The following PKHD1 variants were observed in gnomAD, a reference collection of about 807,000 sequenced individuals.
PKHD1 encodes fibrocystin.
PKHD1 carries 291 observed loss-of-function variants against 412.0 expected under a neutral mutation model. That is an observed-to-expected ratio of 0.71 (90% CI 0.64 to 0.78). The LOEUF (loss-of-function observed/expected upper bound fraction) is 0.78. Among genes scored for constraint, PKHD1 ranks in the 30% least tolerant of loss-of-function variants. The pLI is 0.00. For missense variants in PKHD1, 4,825 were observed against 4,950.7 expected, an observed-to-expected ratio of 0.97 and a Z score of 0.76; for synonymous variants, 1,777 against 1,821.5, an observed-to-expected ratio of 0.98 and a Z score of 0.62.
intron 41 of PKHD1, among the ~76,000 whole-genome samples, chr6:51,904,749 C>T (rs914225690): frequency 3.9e-5 from 6 of 152,196 alleles, no homozygotes; most frequent in Non-Finnish European, 8.8e-5. Flanking sequence ...ATTCTGCCTA[C>T]AGGTTTTCTT....
intron 29 of PKHD1, among the ~76,000 whole-genome samples, chr6:52,029,808 AGCCAAGCCAGAGGGATGTCT>A (rs1802768512): frequency 6.6e-6 from 1 of 152,238 alleles, no homozygotes; most frequent in Non-Finnish European, 1.5e-5. Context: ...AGACCAAGAA[AGCCAAGCCAGAGGGATGTCT>A]GCTTAACTCA....
intron 60 of PKHD1, among the ~76,000 whole-genome samples, chr6:51,706,558 G>A (rs1184749505): frequency 6.6e-6 from 1 of 151,634 alleles, no homozygotes; most frequent in Non-Finnish European, 1.5e-5. Flanking sequence ...GAAGGAGGAG[G>A]AACAAGTGGA....
chr6:51,856,020 T>C lies in PKHD1; in HGVS notation c.7784A>G (p.Asn2595Ser). The C allele has an allele frequency of 6.2e-7, 1 of 1,608,916 alleles. No individual in the cohort carries two copies. The part of the protein sequence containing the change: ...SYDLTMTDSR[N>S]KTTTVNYVRD... Reference sequence around the variant, plus strand: ...TACATAATTGACAGTGGTTGTTTTATTTCTGCTGTCAGTCATGGTTAAATC... The same window carrying C: ...TACATAATTGACAGTGGTTGTTTTACTTCTGCTGTCAGTCATGGTTAAATC... Residue 2595 changes from asparagine to serine, a missense_variant, in exon 49 of 67, where the codon AAT (asparagine) becomes AGT (serine). By Grantham distance (46) the Asn-to-Ser change is conservative. Coordinates refer to ENST00000371117, the MANE Select transcript of PKHD1 (RefSeq NM_138694.4).
intron 52 of PKHD1, among the ~76,000 whole-genome samples, chr6:51,815,983 T>C (rs1239204271): frequency 6.6e-6 from 1 of 152,148 alleles, no homozygotes; most frequent in African/African-American, 2.4e-5. Context: ...CTAATATGTC[T>C]TTAAAAAAGG....
intron 35 of PKHD1, among the ~76,000 whole-genome samples, chr6:51,981,018 GA>G (rs948108261): frequency 1.3e-5 from 2 of 151,960 alleles, no homozygotes; most frequent in African/African-American, 4.8e-5. Flanking sequence ...ACTGTTGGAG[GA>G]AAAAATAAAA....
rs373438297 is a variant in PKHD1 at position 51,632,730 on chromosome 6, C to T, written c.11507-7G>A. On this transcript the variant is annotated splice_region_variant and splice_polypyrimidine_tract_variant and intron_variant, in intron 64 of 66. Coordinates refer to ENST00000371117, the MANE Select transcript of PKHD1 (RefSeq NM_138694.4). ...CGAGCTGTAAAATTGACTCCTGTGGCGGGGAAAAGAAGATGTTTCAATGAT... is the reference window on the plus strand; with the variant it reads ...CGAGCTGTAAAATTGACTCCTGTGGTGGGGAAAAGAAGATGTTTCAATGAT... The T allele has an allele frequency of 9.6e-5, 155 of 1,610,078 alleles. 3 individuals carry two copies. In the South Asian group the frequency reaches 1.4e-3, roughly 15 times the overall value.
chr6:51,912,923 A>G (rs1015868686), intron 37 of PKHD1, among the ~76,000 whole-genome samples: 1 of 152,140 alleles, frequency 6.6e-6, no homozygotes, highest in African/African-American at 2.4e-5. Flanking sequence ...AAACTTGATG[A>G]ATGGGCTTCA....
intron 56 of PKHD1, among the ~76,000 whole-genome samples, chr6:51,754,164 A>G (rs1786571784): frequency 6.6e-6 from 1 of 152,076 alleles, no homozygotes; most frequent in South Asian, 2.1e-4. Flanking sequence ...TATTTATTAG[A>G]CTGAATCAGG....
chr6:51,669,500 C>A (rs1224586737), intron 60 of PKHD1, among the ~76,000 whole-genome samples: 1 of 148,946 alleles, frequency 6.7e-6, no homozygotes, highest in South Asian at 2.2e-4. Context: ...AAAACCAGCT[C>A]CTGGATTCAT....
chr6:51,889,274 G>T (rs987430994), intron 43 of PKHD1, among the ~76,000 whole-genome samples: 1 of 152,090 alleles, frequency 6.6e-6, no homozygotes, highest in African/African-American at 2.4e-5. Flanking sequence ...AGAATGGGGA[G>T]TCATAAGGAC....
chr6:51,637,800 A>G lies in PKHD1; in HGVS notation c.11506+1049T>C, dbSNP rs1175442969. Among the ~76,000 whole-genome samples the G allele has an allele frequency of 3.3e-5, 5 of 152,210 alleles. No homozygotes were observed. In the East Asian group the frequency reaches 9.7e-4, roughly 29 times the overall value. On this transcript the variant is annotated intron_variant, in intron 64 of 66. Coordinates refer to ENST00000371117, the MANE Select transcript of PKHD1 (RefSeq NM_138694.4). ...ATGCCTGTAATCCCAGTGACTCAGG[A>G]GGCTGAGGCAGAAGAATTGCTTGAA...
intron 66 of PKHD1, among the ~76,000 whole-genome samples, chr6:51,625,885 A>G (rs1466200006): frequency 6.6e-6 from 1 of 152,168 alleles, no homozygotes; most frequent in Non-Finnish European, 1.5e-5. Flanking sequence ...TCTTAGATGG[A>G]ATCTTGAATA....
In PKHD1 at chr6:52,043,233, GC is replaced by G; in HGVS notation, c.2822-100del. The G allele has an allele frequency of 4.2e-6, 4 of 953,980 alleles. No individual in the cohort carries two copies. The South Asian group carries it at 5.0e-5, about 12-fold the overall frequency. 59.1% of individuals were successfully genotyped at this position (953,980 alleles called of 1,614,324 possible). On this transcript the variant is annotated intron_variant, in intron 26 of 66. Transcript: ENST00000371117. ...CACTATCATCAAATGTTCCTTCTCTGCCCCCATCCCCTCCCAAAATTCAAGG... is the reference window on the plus strand; with the variant it reads ...CACTATCATCAAATGTTCCTTCTCTGCCCCATCCCCTCCCAAAATTCAAGG...
chr6:51,871,105 G>C (rs1775923265), intron 46 of PKHD1, among the ~76,000 whole-genome samples: 1 of 152,104 alleles, frequency 6.6e-6, no homozygotes, highest in Admixed American at 6.6e-5. Context: ...CAGCCACTGT[G>C]GAAAACTTTG....
At chr6:52,040,365 T>G (rs542756098) in intron 27 of PKHD1, among the ~76,000 whole-genome samples, 9 of 152,286 alleles carry the variant, frequency 5.9e-5, no homozygotes, top group African/African-American at 2.2e-4. Context: ...GCCAACATTA[T>G]CTCTCCCCTG....
intron 63 of PKHD1, among the ~76,000 whole-genome samples, chr6:51,643,807 A>G (rs1038550093): frequency 6.6e-6 from 1 of 152,234 alleles, no homozygotes; most frequent in African/African-American, 2.4e-5. Flanking sequence ...ATTAAGCCCC[A>G]CATGCATTAG....
intron 60 of PKHD1, among the ~76,000 whole-genome samples, chr6:51,743,275 G>A (rs1305868715): frequency 6.6e-6 from 1 of 152,146 alleles, no homozygotes; most frequent in Admixed American, 6.6e-5. Context: ...GGTGAGGGTG[G>A]TAGTAGTGGA....
chr6:51,932,627 A>C (rs1180222592), intron 37 of PKHD1, among the ~76,000 whole-genome samples: 1 of 152,356 alleles, frequency 6.6e-6, no homozygotes, highest in Admixed American at 6.5e-5. Context: ...ATCCTGGGCT[A>C]CAAAATCAAT....
At chr6:52,055,423 T>C (rs1807559491) in intron 19 of PKHD1, among the ~76,000 whole-genome samples, 164 bp downstream of exon 19, 1 of 152,210 alleles carries the variant, frequency 6.6e-6, no homozygotes, top group Admixed American at 6.5e-5. Flanking sequence ...GTGGTGTCCA[T>C]TCATACCTGA....
Sources: allele counts gnomAD v4.1 joint callset (sites outside exome capture counted in the v4.1 genomes callset), GRCh38; gene constraint gnomAD v4.1.1; transcripts MANE v1.5; gene names NCBI Gene and HGNC (gene_info 2026-07-23, HGNC 2026-07-21).